Variants in MCU observed in about 807,000 individuals in gnomAD.
MCU encodes the protein calcium uniporter protein, mitochondrial.
MCU carries 12 observed loss-of-function variants against 45.2 expected under a neutral mutation model. The ratio of observed to expected loss-of-function variants is 0.27; its 90% CI spans 0.17 to 0.43. The LOEUF (loss-of-function observed/expected upper bound fraction) is 0.43. MCU is among the 20% of genes least tolerant of loss of function. The probability of loss-of-function intolerance (pLI) is 1.00; values close to 1 mark genes in which losing one functional copy is unlikely to be tolerated. For missense variants in MCU, 324 were observed against 436.7 expected (o/e 0.74, Z 2.30); for synonymous variants, 160 against 165.1 (o/e 0.97, Z 0.24).
At chr10:72,807,928 C>G (rs547159156) in intron 1 of MCU, among the ~76,000 whole-genome samples, 15 of 152,312 alleles carry the variant, frequency 9.8e-5, no homozygotes, top group African/African-American at 3.6e-4. Context: ...CATCTAATAA[C>G]TTTTCCAAAT....
At chr10:72,753,214 A>G (rs1843526917) in intron 1 of MCU, among the ~76,000 whole-genome samples, 2 of 152,226 alleles carry the variant, frequency 1.3e-5, no homozygotes, top group Admixed American at 6.5e-5. Flanking sequence ...ATCTGTGAGC[A>G]TGATTATCTT....
At chr10:72,868,265 T>C (rs978981536) in intron 4 of MCU, among the ~76,000 whole-genome samples, 2 of 152,170 alleles carry the variant, frequency 1.3e-5, no homozygotes, top group African/African-American at 4.8e-5. Context: ...ACAAAAACTA[T>C]TGGCTGGGCA....
intron 1 of MCU, among the ~76,000 whole-genome samples, chr10:72,729,570 A>G (rs1361077137): frequency 6.6e-6 from 1 of 152,228 alleles, no homozygotes; most frequent in Non-Finnish European, 1.5e-5. Flanking sequence ...TTAGAACAGT[A>G]ACCACTCTGA....
chr10:72,879,309 G>A (rs1193771081), intron 6 of MCU, among the ~76,000 whole-genome samples: 1 of 152,038 alleles, frequency 6.6e-6, no homozygotes, highest in Non-Finnish European at 1.5e-5. Flanking sequence ...TATATTGGTA[G>A]TAAAACTTCA....
chr10:72,771,262 A>C (rs2132736898), intron 1 of MCU, among the ~76,000 whole-genome samples: 1 of 151,882 alleles, frequency 6.6e-6, no homozygotes. Flanking sequence ...ATATTGTTCA[A>C]CTCCCACTTA....
chr10:72,719,685 CT>C (rs1842996216), intron 1 of MCU, among the ~76,000 whole-genome samples: 1 of 152,102 alleles, frequency 6.6e-6, no homozygotes, highest in Admixed American at 6.5e-5. Context: ...CTTATTGTCA[CT>C]TTTGGTTTTT....
intron 6 of MCU, among the ~76,000 whole-genome samples, chr10:72,881,468 C>T (rs747166677): frequency 9.2e-5 from 14 of 151,964 alleles, no homozygotes; most frequent in East Asian, 1.9e-4. Context: ...ATGGGAGGAT[C>T]GCTTGAACCC....
chr10:72,805,173 C>CTT (rs1564562359), intron 1 of MCU, among the ~76,000 whole-genome samples: 7 of 115,154 alleles, frequency 6.1e-5, no homozygotes, highest in African/African-American at 2.5e-4. Flanking sequence ...CTCTCTCTCT[C>CTT]TCTCTTTCCT....
chr10:72,836,607 G>A (rs137875163), intron 2 of MCU, among the ~76,000 whole-genome samples: 2 of 152,184 alleles, frequency 1.3e-5, no homozygotes, highest in African/African-American at 4.8e-5. Context: ...CTGATAGGTT[G>A]CCATTATGAG....
intron 1 of MCU, among the ~76,000 whole-genome samples, chr10:72,777,720 T>G (rs1002156934): frequency 8.5e-5 from 13 of 152,168 alleles, no homozygotes; most frequent in African/African-American, 3.1e-4. Flanking sequence ...TTAAAAAGCT[T>G]CTGCACAGCA....
At chr10:72,786,375 C>T (rs141337716) in intron 1 of MCU, among the ~76,000 whole-genome samples, 113 of 152,250 alleles carry the variant, frequency 7.4e-4, no homozygotes, top group Middle Eastern at 3.4e-3. Context: ...GCTCTGTGTG[C>T]TCTGTGTGCC....
chr10:72,803,129 C>T (rs570009797), intron 1 of MCU, among the ~76,000 whole-genome samples: 10 of 152,092 alleles, frequency 6.6e-5, no homozygotes, highest in Non-Finnish European at 4.4e-5. Flanking sequence ...TGGGTTTTTC[C>T]ATCTGGGTAA....
rs534564499 is a variant in MCU at position 72,817,138 on chromosome 10, A to G, written c.151-17221A>G. ...CCAGAATTTCTGTGGCATCAAATAT[A>G]AGACCTCTATATTGTAAAGCAAATA... On this transcript the variant is annotated intron_variant, in intron 1 of 7. Coordinates refer to ENST00000373053, the MANE Select transcript of MCU (RefSeq NM_138357.3). Among the ~76,000 whole-genome samples, 4 of 152,306 alleles carry G rather than the reference A, an allele frequency of 2.6e-5. No individual in the cohort carries two copies. In the East Asian group the frequency reaches 7.7e-4, roughly 29 times the overall value.
At chr10:72,733,050 T>A (rs1381168586) in intron 1 of MCU, among the ~76,000 whole-genome samples, 3 of 152,266 alleles carry the variant, frequency 2.0e-5, no homozygotes, top group Admixed American at 6.5e-5. Context: ...CAGGTTTTGG[T>A]GCCAGACTGA....
intron 2 of MCU, among the ~76,000 whole-genome samples, chr10:72,851,443 T>G (rs1845205335): frequency 6.6e-6 from 1 of 152,234 alleles, no homozygotes; most frequent in Non-Finnish European, 1.5e-5. Context: ...AACAGGAGAC[T>G]GGAGTTTTAT....
chr10:72,749,130 T>G lies in MCU; in HGVS notation c.150+56829T>G, dbSNP rs182345420. ...CAATAATTGAAAAAAAAAATGTTGT[T>G]TTTTTTTTGCCAGTCATGGTGGCAC... On this transcript the variant is annotated intron_variant, in intron 1 of 7. Transcript: ENST00000373053. Among the ~76,000 whole-genome samples the G allele has an allele frequency of 2.1e-3, 311 of 151,654 alleles. 1 individual carries two copies. The highest frequency in any genetic ancestry group is 6.7e-3 in the African/African-American group (278 of 41,394).
rs552358017 is a variant in MCU, at chr10:72,877,620, T to G, written c.861+6040T>G. On this transcript the variant is annotated intron_variant, in intron 6 of 7. Coordinates refer to ENST00000373053, the MANE Select transcript of MCU (RefSeq NM_138357.3). ...ATTGTTAGACAAAACATAATACACA[T>G]CTGTTTAAAGATACTAGAGAACTAA... 3.6e-4 allele frequency among the ~76,000 whole-genome samples: 55 copies of G among 151,978 alleles called. 1 individual carries two copies. Among genetic ancestry groups the G allele is most frequent in the African/African-American group, 1.3e-3 (53 of 41,468 alleles).
Position 72,784,856 on chromosome 10 carries a change from C to A in MCU, c.151-49503C>A, listed in dbSNP as rs574487125. Reference sequence around the variant, plus strand: ...GAGTATTTTGGGAAATTCCTAAATGCTGATGTGTTCTCAGCTCTATATAAT... The same window carrying A: ...GAGTATTTTGGGAAATTCCTAAATGATGATGTGTTCTCAGCTCTATATAAT... On this transcript the variant is annotated intron_variant, in intron 1 of 7. Coordinates refer to ENST00000373053, the MANE Select transcript of MCU (RefSeq NM_138357.3). 3.3e-5 allele frequency among the ~76,000 whole-genome samples: 5 copies of A among 152,194 alleles called. No homozygotes were observed. In the South Asian group the frequency reaches 1.0e-3, roughly 32 times the overall value.
intron 1 of MCU, among the ~76,000 whole-genome samples, chr10:72,800,485 A>C (rs1171080730): frequency 6.6e-6 from 1 of 152,194 alleles, no homozygotes; most frequent in Non-Finnish European, 1.5e-5. Context: ...TAGATAGAGA[A>C]TACTCAACCG....
Sources: allele counts gnomAD v4.1 joint callset (sites outside exome capture counted in the v4.1 genomes callset), GRCh38; gene constraint gnomAD v4.1.1; transcripts MANE v1.5; gene names NCBI Gene and HGNC (gene_info 2026-07-23, HGNC 2026-07-21).